The following CDC20B variants were observed in gnomAD, a reference collection of about 807,000 sequenced individuals.
The protein encoded by CDC20B is cell division cycle protein 20 homolog B.
A neutral mutation model predicts 64.1 loss-of-function variants in CDC20B; 58 were observed. The observed-to-expected ratio is 0.90, with a 90% CI of 0.73 to 1.13. The LOEUF (loss-of-function observed/expected upper bound fraction) is 1.13. Ranked by LOEUF, CDC20B falls within the 50% of genes most tolerant of loss-of-function variation. The pLI is 0.00. For synonymous variants in CDC20B, 243 were observed against 230.6 expected (o/e 1.05, Z -0.49); for missense variants, 597 against 633.0 (o/e 0.94, Z 0.61).
At chr5:55,156,075 C>T (rs183628630) in intron 2 of CDC20B, among the ~76,000 whole-genome samples, 1 of 152,298 alleles carries the variant, frequency 6.6e-6, no homozygotes, top group African/African-American at 2.4e-5. Flanking sequence ...GGAGTCCTCA[C>T]AATCATGGCA....
chr5:55,129,746 T>C (rs1742982253), intron 6 of CDC20B, among the ~76,000 whole-genome samples: 4 of 152,228 alleles, frequency 2.6e-5, no homozygotes, highest in Admixed American at 2.6e-4. Flanking sequence ...ATGTATGAGA[T>C]ACAGACCCAA....
At chr5:55,148,901 T>C (rs1238215428) in intron 2 of CDC20B, among the ~76,000 whole-genome samples, 2 of 152,128 alleles carry the variant, frequency 1.3e-5, no homozygotes, top group Non-Finnish European at 2.9e-5. Flanking sequence ...AGAGGTCAAG[T>C]GAATTGTCCA....
intron 5 of CDC20B, chr5:55,136,590 A>T (rs1458921671): frequency 6.6e-6 from 1 of 152,060 alleles, no homozygotes; most frequent in Non-Finnish European, 1.5e-5. Context: ...GACAAGCCAT[A>T]AAAATAGAAG....
At chr5:55,143,717 G>T in intron 3 of CDC20B, 74 bp from the exon 4 acceptor site, 1 of 1,423,252 alleles carries the variant, frequency 7.0e-7, no homozygotes, top group Non-Finnish European at 9.5e-7. Flanking sequence ...GTCTGGCTGT[G>T]GCATCTTTCA....
intron 5 of CDC20B, chr5:55,137,746 T>G: frequency 2.2e-6 from 1 of 449,068 alleles, no homozygotes; most frequent in South Asian, 1.6e-5. Context: ...AATGACTTTT[T>G]TAAGGGGTGA....
At chr5:55,169,725 A>G (rs1744526512) in intron 2 of CDC20B, among the ~76,000 whole-genome samples, 1 of 152,218 alleles carries the variant, frequency 6.6e-6, no homozygotes, top group Non-Finnish European at 1.5e-5. Context: ...GTTTTAGTTG[A>G]CTGACTCATC....
At chr5:55,153,940 G>C (rs1311642041) in intron 2 of CDC20B, among the ~76,000 whole-genome samples, 1 of 152,142 alleles carries the variant, frequency 6.6e-6, no homozygotes, top group Non-Finnish European at 1.5e-5. Flanking sequence ...TGAAATTATT[G>C]TAAAAAATCA....
intron 9 of CDC20B, among the ~76,000 whole-genome samples, chr5:55,123,558 G>A (rs991228100): frequency 1.3e-5 from 2 of 152,142 alleles, no homozygotes; most frequent in Admixed American, 1.3e-4. Context: ...GAAGAGACAC[G>A]ACTGGTGACT....
intron 2 of CDC20B, among the ~76,000 whole-genome samples, chr5:55,147,949 C>T (rs1316606467): frequency 6.6e-6 from 1 of 152,152 alleles, no homozygotes; most frequent in Non-Finnish European, 1.5e-5. Context: ...CTAAGAAACA[C>T]CAGGAGTTTG....
chr5:55,137,252 C>T (rs1204312982), intron 5 of CDC20B: 1 of 239,606 alleles, frequency 4.2e-6, no homozygotes, highest in Admixed American at 4.6e-5. Flanking sequence ...TAGAAATTGC[C>T]ACAGGCAATT....
Position 55,172,588 on chromosome 5 carries a change from G to T in CDC20B, c.126C>A (p.Asn42Lys), listed in dbSNP as rs771864464. The change falls in exon 2 of 12, where the codon AAC becomes AAA. Residue 42 changes from asparagine to lysine, a missense_variant and splice_region_variant. Coordinates refer to ENST00000381375, the MANE Select transcript of CDC20B (RefSeq NM_001170402.1). ...LKQKRSQDSANVLDSVNATYS... is the reference protein window; with the variant it reads ...LKQKRSQDSAKVLDSVNATYS... Reference sequence around the variant, plus strand: ...GAACAAGAACAAGCCCTGGACTCACGTTGGCGGAATCTTGACTTCTCTTCT... The same window carrying T: ...GAACAAGAACAAGCCCTGGACTCACTTTGGCGGAATCTTGACTTCTCTTCT... 12 of 1,610,868 alleles carry T rather than the reference G, an allele frequency of 7.4e-6. No homozygotes were observed. Among genetic ancestry groups the T allele is most frequent in the Non-Finnish European group, 1.0e-5 (12 of 1,177,100 alleles).
intron 9 of CDC20B, among the ~76,000 whole-genome samples, chr5:55,121,487 G>A (rs745938479): frequency 9.9e-5 from 15 of 152,026 alleles, no homozygotes; most frequent in Non-Finnish European, 2.2e-4. Flanking sequence ...GTATTGGGTT[G>A]GGTTAATTTT....
chr5:55,140,623 T>C (rs1161654844), intron 4 of CDC20B, among the ~76,000 whole-genome samples: 2 of 152,218 alleles, frequency 1.3e-5, no homozygotes, highest in Non-Finnish European at 2.9e-5. Flanking sequence ...TTCTCAACTA[T>C]GGAGTTCAAC....
Position 55,127,409 on chromosome 5 carries a change from T to C in CDC20B, c.895-58A>G, listed in dbSNP as rs1274753128. The C allele has an allele frequency of 8.6e-6, 12 of 1,396,654 alleles. No individual in the cohort carries two copies. In the East Asian group the frequency reaches 2.5e-4, roughly 29 times the overall value. 86.5% of individuals were successfully genotyped at this position (1,396,654 alleles called of 1,614,324 possible). A position where few individuals can be genotyped will look rare whatever the true frequency, so the allele number is the denominator to read the frequency against. On this transcript the variant is annotated intron_variant, in intron 7 of 11. Coordinates refer to ENST00000381375, the MANE Select transcript of CDC20B (RefSeq NM_001170402.1). ...TTGGAGTTTTCACAGCCCACTGTCT[T>C]CTCAAAGGCCTGAGAGCCAATTACT...
At chr5:55,161,001 T>C (rs1744020505) in intron 2 of CDC20B, 1 of 1,605,388 alleles carries the variant, frequency 6.2e-7, no homozygotes, top group South Asian at 1.1e-5. Flanking sequence ...GAGGTTTCAC[T>C]AGTTGTAAAC....
rs28375271 is a variant in CDC20B, at chr5:55,147,256, T to C, written c.127-400A>G. Among the ~76,000 whole-genome samples the C allele has an allele frequency of 9.7e-3, 1,022 of 105,572 alleles. 1 individual carries two copies. Among genetic ancestry groups the C allele is most frequent in the East Asian group, 0.031 (90 of 2,900 alleles). 69.3% of individuals were successfully genotyped at this position (105,572 alleles called of 152,430 possible). ...ATATTATATAAACATAAATATGTTA[T>C]GTTTTATATATTTATATATTATATA... On this transcript the variant is annotated intron_variant, in intron 2 of 11. Coordinates refer to ENST00000381375, the MANE Select transcript of CDC20B (RefSeq NM_001170402.1).
At chr5:55,121,753 G>A (rs914542366) in intron 9 of CDC20B, among the ~76,000 whole-genome samples, 1 of 152,118 alleles carries the variant, frequency 6.6e-6, no homozygotes, top group African/African-American at 2.4e-5. Context: ...TTTACATCTA[G>A]TGAAATTAAA....
chr5:55,122,036 T>G (rs1273140203), intron 9 of CDC20B, among the ~76,000 whole-genome samples: 2 of 152,210 alleles, frequency 1.3e-5, no homozygotes, highest in Non-Finnish European at 2.9e-5. Context: ...CTCCTACCCA[T>G]AGCATGCTAG....
chr5:55,138,349 T>TG (rs776536017), intron 5 of CDC20B, among the ~76,000 whole-genome samples: 75 of 152,042 alleles, frequency 4.9e-4, no homozygotes, highest in Non-Finnish European at 9.6e-4. Flanking sequence ...TTACTAGAGA[T>TG]GGGGTCTCAC....
Sources: gnomAD v4.1 joint callset for allele counts (sites outside exome capture counted in the v4.1 genomes callset) on GRCh38, gnomAD v4.1.1 for gene constraint, MANE v1.5 for transcripts, NCBI Gene and HGNC (gene_info 2026-07-23, HGNC 2026-07-21) for gene names.